SRFBP1: variants seen among roughly 807,000 people sequenced by gnomAD.
SRFBP1 encodes the protein serum response factor-binding protein 1.
A neutral mutation model predicts 45.5 loss-of-function variants in SRFBP1; 47 were observed. The observed-to-expected ratio is 1.03, with a 90% CI of 0.82 to 1.32. The LOEUF is 1.32. Among genes scored for constraint, SRFBP1 ranks in the 40% most tolerant of loss-of-function variants. SRFBP1 has a pLI of 0.00. For missense variants in SRFBP1, 621 were observed against 484.6 expected (o/e 1.28, Z -2.64); for synonymous variants, 203 against 166.3 (o/e 1.22, Z -1.70).
In SRFBP1 at chr5:122,020,245, CAAAG is replaced by C. The variant is rs765243541; in HGVS notation, c.514_517del (p.Glu172ProfsTer16). 5.0e-6 allele frequency: 8 copies of C among 1,612,262 alleles called. No individual in the cohort carries two copies. Among genetic ancestry groups the C allele is most frequent in the Non-Finnish European group, 6.8e-6 (8 of 1,179,590 alleles). On this transcript the variant is annotated frameshift_variant, in exon 6 of 8. Coordinates refer to ENST00000339397, the MANE Select transcript of SRFBP1 (RefSeq NM_152546.3). LOFTEE classifies it high-confidence loss of function. ...CAACTGTCATCAGTGAGCAAAAAGTCAAAGAAACCAAAATATTGGCGAAGAAACC... is the reference window on the plus strand; with the variant it reads ...CAACTGTCATCAGTGAGCAAAAAGTCAAACCAAAATATTGGCGAAGAAACC...
At chr5:122,036,458 A>G (rs1004068124) in intron 2 of SRFBP1, among the ~76,000 whole-genome samples, 1 of 152,136 alleles carries the variant, frequency 6.6e-6, no homozygotes, top group Non-Finnish European at 1.5e-5. Flanking sequence ...TGTCTTTGGG[A>G]CTGGCTCTTG....
intron 2 of SRFBP1, among the ~76,000 whole-genome samples, chr5:122,061,422 A>G (rs1754167311): frequency 6.6e-6 from 1 of 150,376 alleles, no homozygotes. Context: ...TCTCTCTCCA[A>G]ATTTTGTGCC....
intron 4 of SRFBP1, among the ~76,000 whole-genome samples, chr5:122,013,212 A>G (rs900218218): frequency 1.6e-4 from 25 of 152,116 alleles, no homozygotes; most frequent in South Asian, 1.0e-3. Context: ...TAATTTTTGA[A>G]TATATTTTGT....
intron 3 of SRFBP1, among the ~76,000 whole-genome samples, chr5:121,984,453 T>G (rs1752475739): frequency 6.6e-6 from 1 of 151,798 alleles, no homozygotes; most frequent in African/African-American, 2.4e-5. Context: ...CATGAAACTC[T>G]GTTTGGATTG....
chr5:122,016,174 C>G (rs564881158), intron 4 of SRFBP1, among the ~76,000 whole-genome samples: 1 of 152,318 alleles, frequency 6.6e-6, no homozygotes, highest in South Asian at 2.1e-4. Flanking sequence ...ATTCAGCACA[C>G]CAAGTATCCC....
chr5:122,037,208 C>G lies in SRFBP1; in HGVS notation n.311+14801C>G, dbSNP rs1753707679. Among the ~76,000 whole-genome samples the G allele has an allele frequency of 3.9e-5, 6 of 152,150 alleles. No homozygotes were observed. In the South Asian group the frequency reaches 1.2e-3, roughly 31 times the overall value. ...CCACTGTGCCCAGCCTCCTGTGAGT[C>G]TAGTGAATCATTGAGCCTCAGGGTG... On this transcript the variant is annotated intron_variant and non_coding_transcript_variant, in intron 2 of 2. Transcript: ENST00000504881.
At chr5:122,043,806 CA>C (rs1753808360) in intron 2 of SRFBP1, among the ~76,000 whole-genome samples, 1 of 152,020 alleles carries the variant, frequency 6.6e-6, no homozygotes, top group Non-Finnish European at 1.5e-5. Context: ...GGTATTGTAG[CA>C]CAAAAGCAGC....
At chr5:121,965,449 C>G (rs1752042627) in intron 1 of SRFBP1, among the ~76,000 whole-genome samples, 2 of 152,190 alleles carry the variant, frequency 1.3e-5, no homozygotes, top group African/African-American at 2.4e-5. Context: ...AATAGGGAAT[C>G]ATTTCCCCAT....
In SRFBP1 at chr5:121,975,354, G is replaced by A. The variant is rs61734325; in HGVS notation, c.165G>A (p.Ala55=). Residue 55 remains alanine, a synonymous_variant, in exon 3 of 8, where the codon GCG becomes GCA. Coordinates refer to ENST00000339397, the MANE Select transcript of SRFBP1 (RefSeq NM_152546.3). ...EDALLKNQRR[A]QRLLEEIHAM... ...CACTGTTAAAAAACCAAAGACGGGC[G>A]CAAAGATTGCTTGAAGAAATCCATG... The A allele has an allele frequency of 6.7e-3, 10,759 of 1,613,222 alleles. 612 individuals are homozygous for A. In the African/African-American group the frequency reaches 0.12, roughly 18 times the overall value.
intron 2 of SRFBP1, chr5:122,065,786 G>A (rs1194069325): frequency 6.6e-6 from 1 of 152,010 alleles, no homozygotes; most frequent in South Asian, 2.1e-4. Flanking sequence ...GACAGTTGTG[G>A]TTTGGGGGGG....
chr5:122,018,101 C>T (rs1437393635), intron 4 of SRFBP1, among the ~76,000 whole-genome samples: 1 of 151,962 alleles, frequency 6.6e-6, no homozygotes. Context: ...GATGATCAGC[C>T]GTGTATATAT....
chr5:121,998,288 G>A (rs1211212172), intron 4 of SRFBP1, among the ~76,000 whole-genome samples: 1 of 151,174 alleles, frequency 6.6e-6, no homozygotes. Context: ...ATGATAGACT[G>A]GATTAAGAAA....
chr5:122,076,879 A>G (rs201820359), downstream of SRFBP1: 5 of 1,612,602 alleles, frequency 3.1e-6, no homozygotes, highest in East Asian at 2.2e-5. Context: ...GGCCTCAGAC[A>G]TATCAGCCCG....
At chr5:122,076,842 G>A, downstream of SRFBP1, 3 of 1,509,018 alleles carry the variant, frequency 2.0e-6, no homozygotes, top group South Asian at 1.1e-5. Context: ...GCACCAGAGC[G>A]CCCCCTGAAG....
At chr5:122,041,415 T>C (rs968735650) in intron 2 of SRFBP1, among the ~76,000 whole-genome samples, 1 of 152,134 alleles carries the variant, frequency 6.6e-6, no homozygotes, top group African/African-American at 2.4e-5. Flanking sequence ...TTTTTAACCA[T>C]ATCTATTTTG....
At chr5:121,971,071 G>A (rs374302060) in intron 1 of SRFBP1, among the ~76,000 whole-genome samples, 6 of 151,578 alleles carry the variant, frequency 4.0e-5, no homozygotes, top group South Asian at 4.2e-4. Flanking sequence ...TGTAGTAGAC[G>A]TGAGCATGGT....
At chr5:122,028,924 A>G (rs1446700355), downstream of SRFBP1, among the ~76,000 whole-genome samples, 3 of 152,148 alleles carry the variant, frequency 2.0e-5, no homozygotes, top group South Asian at 2.1e-4. Context: ...GCTGTTAGCT[A>G]TTAGATTTTG....
chr5:122,076,798 C>T, downstream of SRFBP1: 1 of 1,071,888 alleles, frequency 9.3e-7, no homozygotes, highest in Non-Finnish European at 1.4e-6. Context: ...CTTCCTAACA[C>T]TTGTCTGCGC....
intron 7 of SRFBP1, among the ~76,000 whole-genome samples, chr5:122,023,422 C>A (rs1456441572): frequency 6.6e-6 from 1 of 152,092 alleles, no homozygotes; most frequent in Non-Finnish European, 1.5e-5. Context: ...AGTCTGGTGA[C>A]CTTTGTACCA....
Sources: allele counts gnomAD v4.1 joint callset (sites outside exome capture counted in the v4.1 genomes callset), GRCh38; gene constraint gnomAD v4.1.1; transcripts MANE v1.5; gene names NCBI Gene and HGNC (gene_info 2026-07-23, HGNC 2026-07-21).